The following HEATR5B variants were observed in gnomAD, a reference collection of about 807,000 sequenced individuals.
The protein encoded by HEATR5B is HEAT repeat-containing protein 5B.
HEATR5B carries 156 observed loss-of-function variants against 224.1 expected under a neutral mutation model. That is an observed-to-expected ratio of 0.70 (90% CI 0.61 to 0.80). HEATR5B has a LOEUF of 0.80. HEATR5B is among the 30% of genes least tolerant of loss of function. The probability of loss-of-function intolerance (pLI) is 0.00; values close to 1 mark genes in which losing one functional copy is unlikely to be tolerated. For missense variants in HEATR5B, 2,323 were observed against 2,535.5 expected (o/e 0.92, Z 1.80); for synonymous variants, 1,027 against 893.0 (o/e 1.15, Z -2.68).
chr2:37,057,214 G>A, intron 15 of HEATR5B, 103 bp downstream of exon 15: 3 of 807,174 alleles, frequency 3.7e-6, no homozygotes, highest in Non-Finnish European at 5.5e-6. Flanking sequence ...CACTAAATGG[G>A]GATTAAACCT....
At chr2:37,059,116 G>T in intron 12 of HEATR5B, 129 bp from the exon 13 acceptor site, 1 of 483,916 alleles carries the variant, frequency 2.1e-6, no homozygotes, top group Non-Finnish European at 3.5e-6. Flanking sequence ...CTGAAACCAT[G>T]TCGAACCAAA....
At chr2:37,020,304 C>T (rs1288977207) in intron 25 of HEATR5B, among the ~76,000 whole-genome samples, 1 of 151,970 alleles carries the variant, frequency 6.6e-6, no homozygotes, top group Non-Finnish European at 1.5e-5. Flanking sequence ...GAAGGTTTGC[C>T]ATATAAAAAT....
chr2:37,009,557 C>G (rs548838205), intron 27 of HEATR5B, among the ~76,000 whole-genome samples: 1 of 151,608 alleles, frequency 6.6e-6, no homozygotes, highest in Non-Finnish European at 1.5e-5. Context: ...AGCCTGGGCA[C>G]CAGATTTGAG....
chr2:37,083,331 T>C lies in HEATR5B; in HGVS notation c.84A>G (p.Glu28=). The change falls in exon 2 of 36, where the codon GAA becomes GAG. Residue 28 remains glutamate, a synonymous_variant. Transcript: ENST00000233099. ...AGACTTTATCAAGAAATCGCAACCA[T>C]TCAAAGATGAAAACTGGTCTTTTTG... ...TEAKRPVFIF[E]WLRFLDKVLV... The C allele has an allele frequency of 6.2e-7, 1 of 1,614,114 alleles. No individual in the cohort carries two copies. Among genetic ancestry groups the C allele is most frequent in the Non-Finnish European group, 8.5e-7 (1 of 1,179,982 alleles).
At chr2:37,081,420 C>T (rs953209273) in intron 2 of HEATR5B, among the ~76,000 whole-genome samples, 2 of 152,104 alleles carry the variant, frequency 1.3e-5, no homozygotes, top group Admixed American at 6.5e-5. Context: ...ACAATAACAA[C>T]AAAGCACAAA....
chr2:37,074,214 T>C (rs1458646269), intron 5 of HEATR5B, among the ~76,000 whole-genome samples: 3 of 151,496 alleles, frequency 2.0e-5, no homozygotes, highest in Admixed American at 6.6e-5. Flanking sequence ...TCCCAGCTAC[T>C]TGGGAGGCTG....
At chr2:37,033,157 G>A (rs1669246988) in intron 21 of HEATR5B, among the ~76,000 whole-genome samples, 1 of 152,046 alleles carries the variant, frequency 6.6e-6, no homozygotes, top group African/African-American at 2.4e-5. Flanking sequence ...GGGATTACAG[G>A]CATGAGCCAC....
At chr2:37,033,941 T>G (rs1669301706) in intron 21 of HEATR5B, among the ~76,000 whole-genome samples, 1 of 152,210 alleles carries the variant, frequency 6.6e-6, no homozygotes, top group Admixed American at 6.5e-5. Context: ...ATGTTCCATC[T>G]GCTGCTTTTC....
intron 33 of HEATR5B, among the ~76,000 whole-genome samples, chr2:36,995,707 T>G (rs116292761): frequency 0.011 from 1,683 of 152,310 alleles, 8 homozygotes; most frequent in Non-Finnish European, 0.018. Flanking sequence ...ATATAGTTGG[T>G]TATAAACATG....
chr2:36,983,065 T>C (rs1016040854), intron 35 of HEATR5B, among the ~76,000 whole-genome samples: 2 of 152,160 alleles, frequency 1.3e-5, no homozygotes, highest in African/African-American at 4.8e-5. Flanking sequence ...ATGCTTTGAA[T>C]GAATAAACAT....
At chr2:37,037,406 G>A (rs961992148) in intron 21 of HEATR5B, among the ~76,000 whole-genome samples, 1 of 151,820 alleles carries the variant, frequency 6.6e-6, no homozygotes, top group African/African-American at 2.4e-5. Context: ...GCCTCCCAAA[G>A]TGCTGGGATT....
rs10203637 is a variant in HEATR5B at position 37,069,491 on chromosome 2, T to A, written c.928-561A>T. On this transcript the variant is annotated intron_variant, in intron 7 of 35. Coordinates refer to ENST00000233099, the MANE Select transcript of HEATR5B (RefSeq NM_019024.3). ...TGAAATTATAATTCCAAGTCAGATATAATCTTATAATTACACTGGTGATTA... is the reference window on the plus strand; with the variant it reads ...TGAAATTATAATTCCAAGTCAGATAAAATCTTATAATTACACTGGTGATTA... 7.2e-3 allele frequency among the ~76,000 whole-genome samples: 1,097 copies of A among 152,286 alleles called. 20 individuals are homozygous for A. The highest frequency in any genetic ancestry group is 0.025 in the African/African-American group (1,052 of 41,564).
In HEATR5B at chr2:37,037,145, G is replaced by GATAT. The variant is rs1553431138; in HGVS notation, c.3216+706_3216+709dup. ...TTCCGAGTAGGAAAACTAAAAATGT[G>GATAT]ATATATATATATATTTTGGAGATGG... On this transcript the variant is annotated intron_variant, in intron 21 of 35. Coordinates refer to ENST00000233099, the MANE Select transcript of HEATR5B (RefSeq NM_019024.3). Among the ~76,000 whole-genome samples, 272 of 89,194 alleles carry GATAT rather than the reference G, an allele frequency of 3.0e-3. 49 individuals carry two copies. The highest frequency in any genetic ancestry group is 5.5e-3 in the Non-Finnish European group (221 of 40,464). The allele number at this position is 89,194 out of a possible 152,430, so 58.5% of individuals were successfully genotyped here.
intron 18 of HEATR5B, among the ~76,000 whole-genome samples, chr2:37,046,670 G>A (rs898262063): frequency 3.3e-5 from 5 of 150,458 alleles, no homozygotes; most frequent in African/African-American, 7.3e-5. Context: ...ATTGAGAGAC[G>A]AATAATCATC....
At chr2:36,989,011 A>T (rs1317160343) in intron 34 of HEATR5B, 152 bp from the exon 35 acceptor site, 2 of 618,102 alleles carry the variant, frequency 3.2e-6, no homozygotes, top group Non-Finnish European at 5.6e-6. Context: ...AGTAGAATAG[A>T]ATTTTGTGAC....
At chr2:37,079,630 G>C (rs1672434076) in intron 2 of HEATR5B, among the ~76,000 whole-genome samples, 1 of 152,130 alleles carries the variant, frequency 6.6e-6, no homozygotes, top group African/African-American at 2.4e-5. Context: ...AACAGCCAAA[G>C]GATGCAAAAT....
At chr2:36,998,016 G>A (rs1666843226) in intron 33 of HEATR5B, among the ~76,000 whole-genome samples, 1 of 152,104 alleles carries the variant, frequency 6.6e-6, no homozygotes. Context: ...TAACCAATGT[G>A]CTTTTATCAT....
chr2:37,070,378 T>C lies in HEATR5B; in HGVS notation c.779A>G (p.Gln260Arg). The change falls in exon 7 of 36, where the codon CAG becomes CGG. Residue 260 changes from glutamine (Q) to arginine (R), a missense_variant. This residue lies in a region of HEATR5B where 292 missense variants were observed against 332.6 expected (regional missense o/e 0.88). Transcript: ENST00000233099. ...LMPKQATVMR[Q>R]NVKRATFDEV... ...ATCAAATGTTGCTCGCTTCACATTC[T>C]GACGCATTACTTTCAAGAAGAAAAA... The C allele has an allele frequency of 6.2e-7, 1 of 1,612,998 alleles. No individual in the cohort carries two copies. The highest frequency in any genetic ancestry group is 8.5e-7 in the Non-Finnish European group (1 of 1,179,270).
At chr2:37,083,695 T>C (rs1006409089) in intron 1 of HEATR5B, among the ~76,000 whole-genome samples, 2 of 152,206 alleles carry the variant, frequency 1.3e-5, no homozygotes, top group Admixed American at 1.3e-4. Context: ...AAAGGCATTA[T>C]TCCAGAAGAA....
Sources: allele counts gnomAD v4.1 joint callset (sites outside exome capture counted in the v4.1 genomes callset), GRCh38; gene constraint gnomAD v4.1.1; regional missense constraint gnomAD v4.1.1; transcripts MANE v1.5; gene names NCBI Gene and HGNC (gene_info 2026-07-23, HGNC 2026-07-21).